PM20D2: variants seen among roughly 807,000 people sequenced by gnomAD.
PM20D2 encodes the protein peptidase M20 domain containing 2, also known as xaa-Arg dipeptidase.
A neutral mutation model predicts 42.9 loss-of-function variants in PM20D2; 33 were observed. The ratio of observed to expected loss-of-function variants is 0.77; its 90% CI spans 0.58 to 1.03. PM20D2 has a LOEUF of 1.03. Ranked by LOEUF, PM20D2 falls within the 50% of genes least tolerant of loss-of-function variation. The pLI, the probability that PM20D2 is intolerant of heterozygous loss-of-function variation, is 0.00. For missense variants in PM20D2, 548 were observed against 557.0 expected (o/e 0.98, Z 0.16); for synonymous variants, 250 against 228.2 (o/e 1.10, Z -0.86).
At chr6:89,147,646 GA>G (rs1489936980) in intron 1 of PM20D2, among the ~76,000 whole-genome samples, 1 of 151,810 alleles carries the variant, frequency 6.6e-6, no homozygotes, top group African/African-American at 2.4e-5. Context: ...CAAGAATGAA[GA>G]GCGGTGGGCA....
chr6:89,112,801 C>A, the PM20D2 span, among the ~76,000 whole-genome samples: 3 of 152,076 alleles, frequency 2.0e-5, no homozygotes, highest in African/African-American at 7.2e-5. Flanking sequence ...CAATGATGAA[C>A]CATATATATC....
rs930981035 is a variant in PM20D2, at chr6:89,149,467, C to T, written c.614+54C>T. ...TTAGGGGAACACAGGCTATAGAATA[C>T]TTTTATGTCTAAACCAGAGACGAAA... On this transcript the variant is annotated intron_variant, in intron 2 of 6. Coordinates refer to ENST00000275072, the MANE Select transcript of PM20D2 (RefSeq NM_001010853.3). 4 of 1,567,796 alleles carry T rather than the reference C, an allele frequency of 2.6e-6. No individual in the cohort carries two copies. The African/African-American group carries it at 5.5e-5, about 21-fold the overall frequency.
the PM20D2 span, among the ~76,000 whole-genome samples, chr6:89,124,512 T>TG: frequency 3.0e-4 from 45 of 152,278 alleles, 1 homozygote; most frequent in East Asian, 8.1e-3. Context: ...ATTAGTTCTC[T>TG]GGCGGGGAGT....
chr6:89,120,163 C>T, the PM20D2 span, among the ~76,000 whole-genome samples: 4 of 152,326 alleles, frequency 2.6e-5, no homozygotes, highest in Non-Finnish European at 1.5e-5. Context: ...CTCTAGGTCC[C>T]TCCCACAATA....
intron 3 of PM20D2, among the ~76,000 whole-genome samples, chr6:89,153,440 G>A (rs2057192521): frequency 6.6e-6 from 1 of 152,032 alleles, no homozygotes; most frequent in African/African-American, 2.4e-5. Context: ...AAGGTTTTAT[G>A]TAAGGGGCTG....
chr6:89,115,833 C>A, the PM20D2 span, among the ~76,000 whole-genome samples: 1 of 151,556 alleles, frequency 6.6e-6, no homozygotes, highest in African/African-American at 2.4e-5. Context: ...GACGGGGTTT[C>A]ATCGTGCTAG....
At chr6:89,153,472 A>G (rs1452707861) in intron 3 of PM20D2, among the ~76,000 whole-genome samples, 1 of 152,154 alleles carries the variant, frequency 6.6e-6, no homozygotes, top group East Asian at 1.9e-4. Flanking sequence ...TGGGTGTTTG[A>G]AAATTGGATC....
At chr6:89,115,149 G>A in the PM20D2 span, among the ~76,000 whole-genome samples, 1 of 151,966 alleles carries the variant, frequency 6.6e-6, no homozygotes, top group Non-Finnish European at 1.5e-5. Context: ...CCAGGCTGGA[G>A]TACAGTGATG....
the PM20D2 span, chr6:89,107,199 G>A: frequency 6.2e-7 from 1 of 1,614,028 alleles, no homozygotes; most frequent in South Asian, 1.1e-5. Context: ...GAAGTCAAGT[G>A]GAATGTAAAC....
rs548773926 is a variant in PM20D2 at position 89,163,345 on chromosome 6, T to A, written c.*1082T>A. The stretch of plus-strand genomic sequence containing the variant: ...TAAGAAAACCTCTTTTTTAAAAAAA[T>A]TTTTATTTTTTTACATAATAGAGAC... On this transcript the variant is annotated 3_prime_UTR_variant, in exon 7 of 7. Coordinates refer to ENST00000275072, the MANE Select transcript of PM20D2 (RefSeq NM_001010853.3). The A allele has an allele frequency of 2.0e-5, 3 of 152,136 alleles. No individual in the cohort carries two copies. Among genetic ancestry groups the A allele is most frequent in the East Asian group, 1.9e-4 (1 of 5,170 alleles). The allele number at this position is 152,136 out of a possible 1,614,324, so 9.4% of individuals were successfully genotyped here.
chr6:89,149,045 T>G (rs139837057), intron 1 of PM20D2, among the ~76,000 whole-genome samples: 2 of 152,362 alleles, frequency 1.3e-5, no homozygotes, highest in African/African-American at 4.8e-5. Context: ...TTATAGTGTC[T>G]TTAGTACATA....
chr6:89,150,832 A>C (rs1770809077), intron 2 of PM20D2, among the ~76,000 whole-genome samples: 1 of 150,852 alleles, frequency 6.6e-6, no homozygotes, highest in African/African-American at 2.4e-5. Flanking sequence ...GAGCCATCAC[A>C]CCTGGCCTTC....
At chr6:89,124,736 G>GTTGTTGT in the PM20D2 span, among the ~76,000 whole-genome samples, 11 of 108,464 alleles carry the variant, frequency 1.0e-4, no homozygotes, top group African/African-American at 3.9e-4. Context: ...TGCTGTTGTT[G>GTTGTTGT]TTTTTTTTTT....
chr6:89,139,450 G>GCCATT, the PM20D2 span, among the ~76,000 whole-genome samples: 2 of 152,286 alleles, frequency 1.3e-5, no homozygotes, highest in East Asian at 3.9e-4. Context: ...CTAGGCTCAA[G>GCCATT]CCATTCTCCT....
chr6:89,112,447 C>CTTTTT, the PM20D2 span, among the ~76,000 whole-genome samples: 2 of 128,880 alleles, frequency 1.6e-5, no homozygotes, highest in Non-Finnish European at 1.7e-5. Flanking sequence ...TCTTTTCTTT[C>CTTTTT]TTTTTTTTTT....
chr6:89,153,188 A>G lies in PM20D2; in HGVS notation c.757+3A>G. On this transcript the variant is annotated splice_donor_region_variant and intron_variant, in intron 3 of 6. Coordinates refer to ENST00000275072, the MANE Select transcript of PM20D2 (RefSeq NM_001010853.3). ...GAAACCAACCTGGAGAGTTCATGGT[A>G]TGAATGTCAAATACCTTCTATAATA... 1 of 1,585,992 alleles carries G rather than the reference A, an allele frequency of 6.3e-7. No homozygotes were observed. Among genetic ancestry groups the G allele is most frequent in the Non-Finnish European group, 8.6e-7 (1 of 1,167,570 alleles).
At chr6:89,111,955 A>AT in the PM20D2 span, among the ~76,000 whole-genome samples, 7 of 152,202 alleles carry the variant, frequency 4.6e-5, no homozygotes, top group African/African-American at 1.7e-4. Context: ...CAAAGATATT[A>AT]TTTTTCCTAA....
At chr6:89,103,987 A>ATT in the PM20D2 span, among the ~76,000 whole-genome samples, 2 of 92,942 alleles carry the variant, frequency 2.2e-5, no homozygotes, top group African/African-American at 4.4e-5. Context: ...ATTTTATTAT[A>ATT]TTTCTTTTTT....
At chr6:89,104,900 A>T in the PM20D2 span, among the ~76,000 whole-genome samples, 19 of 152,052 alleles carry the variant, frequency 1.2e-4, no homozygotes, top group South Asian at 6.2e-4. Context: ...ACAAAAAATT[A>T]AAAAAATTAG....
Sources: gnomAD v4.1 joint callset for allele counts (sites outside exome capture counted in the v4.1 genomes callset) on GRCh38, gnomAD v4.1.1 for gene constraint, MANE v1.5 for transcripts, NCBI Gene and HGNC (gene_info 2026-07-23, HGNC 2026-07-21) for gene names.